Variants in NANOGNB observed in about 807,000 individuals in gnomAD.
NANOGNB encodes homeobox C14.
NANOGNB carries 30 observed loss-of-function variants against 25.0 expected under a neutral mutation model. That is an observed-to-expected ratio of 1.20 (90% CI 0.90 to 1.63). The LOEUF (loss-of-function observed/expected upper bound fraction) is 1.63, where lower values mean the gene tolerates loss of function less well. Among genes scored for constraint, NANOGNB ranks in the 40% most tolerant of loss-of-function variants. NANOGNB has a pLI of 0.00. For missense variants in NANOGNB, 200 were observed against 188.1 expected (o/e 1.06, Z -0.37); for synonymous variants, 84 against 62.1 (o/e 1.35, Z -1.66).
Position 7,770,237 on chromosome 12 carries a change from A to G in NANOGNB, c.357A>G (p.Ala119=). The G allele has an allele frequency of 6.4e-7, 1 of 1,550,934 alleles. No homozygotes were observed. The highest frequency in any genetic ancestry group is 8.7e-7 in the Non-Finnish European group (1 of 1,146,872). Residue 119 remains alanine, a synonymous_variant, in exon 2 of 4, where the codon GCA becomes GCG. Transcript: ENST00000382119. The stretch of plus-strand genomic sequence containing the variant: ...AATCCCTCATGCATACTCTCTGGGC[A>G]AAGTTTAAGTTAAACAGGTGCCCCA... The part of the protein sequence containing the change: ...VSKSLMHTLW[A]KFKLNRCPTI...
rs762798889 is a variant in NANOGNB, at chr12:7,769,155, T to G, written c.103-828T>G. On this transcript the variant is annotated intron_variant, in intron 1 of 3. Coordinates refer to ENST00000382119, the MANE Select transcript of NANOGNB (RefSeq NM_001145465.1). ...ACAATTCCCTGCAATGAATTTCTTCTTATTTTTATTTTTATTTTTTTTGAG... is the reference window on the plus strand; with the variant it reads ...ACAATTCCCTGCAATGAATTTCTTCGTATTTTTATTTTTATTTTTTTTGAG... Among the ~76,000 whole-genome samples the G allele has an allele frequency of 2.0e-5, 3 of 151,656 alleles. No individual in the cohort carries two copies. In the South Asian group the frequency reaches 6.3e-4, roughly 32 times the overall value.
intron 1 of NANOGNB, among the ~76,000 whole-genome samples, chr12:7,769,533 G>A (rs1210181432): frequency 6.6e-6 from 1 of 151,918 alleles, no homozygotes; most frequent in Non-Finnish European, 1.5e-5. Context: ...ATATTGGCCA[G>A]GCTTGTCTCG....
chr12:7,766,766 G>A (rs183107867), intron 1 of NANOGNB, among the ~76,000 whole-genome samples: 4 of 152,162 alleles, frequency 2.6e-5, no homozygotes, highest in Non-Finnish European at 5.9e-5. Flanking sequence ...GACCTCAAGT[G>A]GTCCACCCAC....
chr12:7,773,674 G>A (rs897381954), intron 3 of NANOGNB, 126 bp from the exon 4 acceptor site: 7 of 384,010 alleles, frequency 1.8e-5, no homozygotes, highest in Admixed American at 4.5e-5. Context: ...GCAGTCAGCC[G>A]AGATTGTGCC....
At position 7,770,382 on chromosome 12, in the gene NANOGNB, A is replaced by G. The variant is rs780199001; in HGVS notation, c.436-57A>G. ...GTCACTTGTATAGTACTATTGCTATATAGACCAATATCCTTATTCCTGTAT... is the reference window on the plus strand; with the variant it reads ...GTCACTTGTATAGTACTATTGCTATGTAGACCAATATCCTTATTCCTGTAT... On this transcript the variant is annotated intron_variant, in intron 2 of 3. Coordinates refer to ENST00000382119, the MANE Select transcript of NANOGNB (RefSeq NM_001145465.1). The G allele has an allele frequency of 5.4e-5, 83 of 1,523,272 alleles. No individual in the cohort carries two copies. In the African/African-American group the frequency reaches 1.0e-3, roughly 19 times the overall value. 94.4% of individuals were successfully genotyped at this position (1,523,272 alleles called of 1,614,324 possible). A position where few individuals can be genotyped will look rare whatever the true frequency, so the allele number is the denominator to read the frequency against.
At chr12:7,768,692 C>T (rs756067930) in intron 1 of NANOGNB, among the ~76,000 whole-genome samples, 1 of 151,752 alleles carries the variant, frequency 6.6e-6, no homozygotes, top group Non-Finnish European at 1.5e-5. Context: ...GCCGCCATGC[C>T]CCGCTAATTT....
At chr12:7,768,724 G>A (rs1040392601) in intron 1 of NANOGNB, among the ~76,000 whole-genome samples, 5 of 151,996 alleles carry the variant, frequency 3.3e-5, no homozygotes, top group East Asian at 3.9e-4. Flanking sequence ...AGTAGAGACC[G>A]GGTTTCACTG....
At chr12:7,772,485 G>A (rs1409398262) in intron 3 of NANOGNB, among the ~76,000 whole-genome samples, 1 of 151,320 alleles carries the variant, frequency 6.6e-6, no homozygotes, top group African/African-American at 2.4e-5. Context: ...CACCATGTTA[G>A]CCAGGATGGT....
At chr12:7,766,279 T>C (rs1865243541) in intron 1 of NANOGNB, 1 of 396,190 alleles carries the variant, frequency 2.5e-6, no homozygotes, top group East Asian at 3.6e-5. Context: ...AAGACCATCC[T>C]GGCCAAGATG....
chr12:7,773,015 G>A lies in NANOGNB; in HGVS notation c.516-785G>A, dbSNP rs748957744. Among the ~76,000 whole-genome samples the A allele has an allele frequency of 1.6e-4, 24 of 151,850 alleles. No homozygotes were observed. The East Asian group carries it at 2.5e-3, about 16-fold the overall frequency. ...TACTCTAAATTATAAATGAGGAAGC[G>A]TATATTTTCAGTTATAACTCGAGAC... On this transcript the variant is annotated intron_variant, in intron 3 of 3. Transcript: ENST00000382119.
chr12:7,768,924 G>T (rs754145203), intron 1 of NANOGNB, among the ~76,000 whole-genome samples: 6 of 151,876 alleles, frequency 4.0e-5, no homozygotes, highest in Non-Finnish European at 5.9e-5. Context: ...GAGCCACCAC[G>T]CCGGGCCTTG....
At chr12:7,766,890 G>A (rs1215220595) in intron 1 of NANOGNB, among the ~76,000 whole-genome samples, 2 of 152,138 alleles carry the variant, frequency 1.3e-5, no homozygotes, top group Non-Finnish European at 2.9e-5. Context: ...GCCCAGGCTG[G>A]AGCACAGTGG....
intron 2 of NANOGNB, 55 bp downstream of exon 2, chr12:7,770,370 T>C: frequency 6.6e-7 from 1 of 1,520,740 alleles, no homozygotes; most frequent in South Asian, 1.3e-5. Context: ...ACTTGTATAG[T>C]ACTATTGCTA....
Position 7,774,024 on chromosome 12 carries a change from A to G in NANOGNB, c.*173A>G. The stretch of plus-strand genomic sequence containing the variant: ...GTAGAACTAAATGAGGGGTATGCAA[A>G]GGAGTTTTTATGTGTTTTATTTTTA... On this transcript the variant is annotated 3_prime_UTR_variant, in exon 4 of 4. Coordinates refer to ENST00000382119, the MANE Select transcript of NANOGNB (RefSeq NM_001145465.1). 2 of 411,260 alleles carry G rather than the reference A, an allele frequency of 4.9e-6. No individual in the cohort carries two copies. The highest frequency in any genetic ancestry group is 8.5e-6 in the Non-Finnish European group (2 of 234,050). The allele number at this position is 411,260 out of a possible 1,614,324, so 25.5% of individuals were successfully genotyped here.
Position 7,765,233 on chromosome 12 carries a change from G to A in NANOGNB, c.-53G>A, listed in dbSNP as rs1865234219. The A allele has an allele frequency of 1.6e-6, 2 of 1,286,008 alleles. No homozygotes were observed. The highest frequency in any genetic ancestry group is 2.0e-6 in the Non-Finnish European group (2 of 986,754). The allele number at this position is 1,286,008 out of a possible 1,614,324, so 79.7% of individuals were successfully genotyped here. On this transcript the variant is annotated 5_prime_UTR_variant, in exon 1 of 4. Transcript: ENST00000382119. ...TGGATGACATCTACCTTATCTGGTC[G>A]GTCATCTCTGTAACCTCCCTACCAA...
chr12:7,773,036 G>A (rs955361335), intron 3 of NANOGNB, among the ~76,000 whole-genome samples: 6 of 151,962 alleles, frequency 3.9e-5, no homozygotes, highest in African/African-American at 9.7e-5. Context: ...GTTATAACTC[G>A]AGACATAGTC....
At position 7,767,491 on chromosome 12, in the gene NANOGNB, G is replaced by A. The variant is rs779226638; in HGVS notation, c.102+2104G>A. ...AGGCGGACAGATCACTGAAGCTGACGATTTCGAGACCAACAACAGCACAGT... is the reference window on the plus strand; with the variant it reads ...AGGCGGACAGATCACTGAAGCTGACAATTTCGAGACCAACAACAGCACAGT... On this transcript the variant is annotated intron_variant, in intron 1 of 3. Coordinates refer to ENST00000382119, the MANE Select transcript of NANOGNB (RefSeq NM_001145465.1). 5.0e-4 allele frequency among the ~76,000 whole-genome samples: 76 copies of A among 151,622 alleles called. 1 individual carries two copies. The highest frequency in any genetic ancestry group is 6.8e-4 in the African/African-American group (28 of 41,348).
Position 7,773,845 on chromosome 12 carries a change from C to G in NANOGNB, c.561C>G (p.Leu187=), listed in dbSNP as rs1205896812. 1.6e-6 allele frequency: 1 copy of G among 630,910 alleles called. No homozygotes were observed. The highest frequency in any genetic ancestry group is 2.8e-6 in the Non-Finnish European group (1 of 358,682). The allele number at this position is 630,910 out of a possible 1,614,324, so 39.1% of individuals were successfully genotyped here. The part of the protein sequence containing the change: ...CCQGWSRTPA[L]K ...AAGGCTGGTCTCGAACTCCTGCCCT[C>G]AAGTGATCTTCCTATTTTGGCCTCC... Residue 187 remains leucine, a synonymous_variant, in exon 4 of 4, where the codon CTC becomes CTG. Coordinates refer to ENST00000382119, the MANE Select transcript of NANOGNB (RefSeq NM_001145465.1).
At chr12:7,770,940 T>C (rs747771375) in intron 3 of NANOGNB, among the ~76,000 whole-genome samples, 3 of 152,078 alleles carry the variant, frequency 2.0e-5, no homozygotes, top group Non-Finnish European at 4.4e-5. Context: ...TTCCAGCCAG[T>C]GGCAGAAAAA....
Sources: gnomAD v4.1 joint callset for allele counts (sites outside exome capture counted in the v4.1 genomes callset) on GRCh38, gnomAD v4.1.1 for gene constraint, MANE v1.5 for transcripts, NCBI Gene and HGNC (gene_info 2026-07-23, HGNC 2026-07-21) for gene names.